MLPH: variants seen among roughly 807,000 people sequenced by gnomAD.
MLPH encodes the protein exophilin-3.
Under a neutral mutation model 72.1 loss-of-function variants are expected in MLPH, and 51 were observed. The observed-to-expected ratio is 0.71, with a 90% CI of 0.56 to 0.89. The LOEUF is 0.89. Among genes scored for constraint, MLPH ranks in the 40% least tolerant of loss-of-function variants. The pLI is 0.00. For synonymous variants in MLPH, 301 were observed against 310.1 expected, an observed-to-expected ratio of 0.97 and a Z score of 0.31; for missense variants, 743 against 759.9, an observed-to-expected ratio of 0.98 and a Z score of 0.26.
At chr2:237,520,071 C>A in intron 6 of MLPH, 42 bp downstream of exon 6, 18 of 1,613,342 alleles carry the variant, frequency 1.1e-5, no homozygotes, top group Non-Finnish European at 1.4e-5. Context: ...CTCCCAGGAA[C>A]CTGAGTGGCA....
chr2:237,504,089 G>C, intron 2 of MLPH, among the ~76,000 whole-genome samples: 1 of 152,224 alleles, frequency 6.6e-6, no homozygotes, highest in African/African-American at 2.4e-5. Flanking sequence ...ATTCCCCTCT[G>C]GGGGCTCCAG....
At chr2:237,545,309 C>G (rs984063501) in intron 12 of MLPH, 1 of 554,766 alleles carries the variant, frequency 1.8e-6, no homozygotes, top group African/African-American at 2.0e-5. Context: ...ACAGCACACA[C>G]GCCACCGTGG....
intron 8 of MLPH, among the ~76,000 whole-genome samples, chr2:237,532,433 C>A (rs377421320): frequency 1.3e-5 from 2 of 152,198 alleles, no homozygotes; most frequent in Non-Finnish European, 2.9e-5. Flanking sequence ...AGATGGGAGA[C>A]GGGAGAGGAA....
In MLPH at chr2:237,552,370, T is replaced by A; in HGVS notation, c.1709T>A (p.Val570Glu). 1 of 1,614,100 alleles carries A rather than the reference T, an allele frequency of 6.2e-7. No homozygotes were observed. The highest frequency in any genetic ancestry group is 8.5e-7 in the Non-Finnish European group (1 of 1,179,992). ...GATGATTCTTTTGATCGGAAATCAG[T>A]GTACCGAGGCTCGCTGACACAGAGA... is the stretch of plus-strand genomic sequence containing the variant. ...KDDDSFDRKS[V>E]YRGSLTQRNP... The change falls in exon 15 of 16, where the codon GTG (valine) becomes GAG (glutamate). Residue 570 changes from valine (V) to glutamate (E), a missense_variant. Physicochemically the swap from Val to Glu is moderately radical, Grantham distance 121. Transcript: ENST00000264605.
In MLPH at chr2:237,493,325, T is replaced by C; in HGVS notation, c.-24-78T>C. The stretch of plus-strand genomic sequence containing the variant: ...GTCCTGAGAAGTCAGCAGCGTTCTG[T>C]GTTGTCTCTTACTCTGTGACTTGAT... On this transcript the variant is annotated intron_variant, in intron 1 of 15. Coordinates refer to ENST00000264605, the MANE Select transcript of MLPH (RefSeq NM_024101.7). 3 of 908,190 alleles carry C rather than the reference T, an allele frequency of 3.3e-6. No homozygotes were observed. The Admixed American group carries it at 5.1e-5, about 15-fold the overall frequency. The allele number at this position is 908,190 out of a possible 1,614,324, so 56.3% of individuals were successfully genotyped here.
At chr2:237,502,617 C>T (rs2106478733) in intron 2 of MLPH, among the ~76,000 whole-genome samples, 1 of 152,238 alleles carries the variant, frequency 6.6e-6, no homozygotes, top group East Asian at 1.9e-4. Context: ...GTGACTCATG[C>T]CCTGGGGGAA....
chr2:237,493,558 C>T (rs2079472194), intron 2 of MLPH, 22 bp downstream of exon 2: 2 of 1,595,160 alleles, frequency 1.3e-6, no homozygotes, highest in Non-Finnish European at 1.7e-6. Flanking sequence ...GTGCTGAGCC[C>T]ACGGAGCCCG....
chr2:237,552,286 G>A, intron 14 of MLPH, 51 bp from the exon 15 acceptor site: 10 of 1,533,938 alleles, frequency 6.5e-6, no homozygotes, highest in Non-Finnish European at 9.0e-6. Context: ...ACTTGTTTGG[G>A]CTAAGTATGT....
chr2:237,524,871 G>A lies in MLPH; in HGVS notation c.676-730G>A, dbSNP rs148280461. ...CTGAGCCAGAGCTGGGGCGGGGCTC[G>A]GTCCACCCAGGCCGGTCTGAAGACC... On this transcript the variant is annotated intron_variant, in intron 6 of 15. Transcript: ENST00000264605. Among the ~76,000 whole-genome samples the A allele has an allele frequency of 2.7e-3, 406 of 152,310 alleles. 1 individual carries two copies. The highest frequency in any genetic ancestry group is 4.8e-3 in the Non-Finnish European group (327 of 68,022).
intron 6 of MLPH, among the ~76,000 whole-genome samples, chr2:237,520,890 A>C (rs1559354759): frequency 6.6e-6 from 1 of 152,194 alleles, no homozygotes; most frequent in Non-Finnish European, 1.5e-5. Flanking sequence ...TGTATGGTGA[A>C]TTGTGGCTGA....
At chr2:237,542,336 C>T (rs2080708175) in intron 11 of MLPH, among the ~76,000 whole-genome samples, 1 of 152,154 alleles carries the variant, frequency 6.6e-6, no homozygotes, top group African/African-American at 2.4e-5. Context: ...TGCGTTCCTC[C>T]TGCCTGGGGT....
intron 2 of MLPH, among the ~76,000 whole-genome samples, chr2:237,506,130 T>C (rs1241226755): frequency 1.3e-5 from 2 of 152,270 alleles, no homozygotes; most frequent in African/African-American, 4.8e-5. Flanking sequence ...CCTAAATTAC[T>C]GAGAACCCCA....
chr2:237,546,637 G>A lies in MLPH; in HGVS notation c.1571G>A (p.Gly524Asp), dbSNP rs893400175. 1 of 1,614,164 alleles carries A rather than the reference G, an allele frequency of 6.2e-7. No individual in the cohort carries two copies. The highest frequency in any genetic ancestry group is 8.5e-7 in the Non-Finnish European group (1 of 1,180,030). ...CTCCCTCGAGTGGCTGGGAAACTTG[G>A]CAAGAGACCAGAGGACCCAAATGCA... Reference protein sequence around the residue: ...IFLPRVAGKLGKRPEDPNADP... With the variant: ...IFLPRVAGKLDKRPEDPNADP... The change falls in exon 13 of 16, where the codon GGC becomes GAC. Residue 524 changes from glycine to aspartate, a missense_variant. Transcript: ENST00000264605.
intron 8 of MLPH, among the ~76,000 whole-genome samples, chr2:237,528,834 C>G (rs2080359628): frequency 6.6e-6 from 1 of 152,198 alleles, no homozygotes; most frequent in South Asian, 2.1e-4. Flanking sequence ...CTGGACATTT[C>G]ATGTAAATGG....
At chr2:237,494,183 G>GT (rs1669011739) in intron 2 of MLPH, among the ~76,000 whole-genome samples, 1 of 152,188 alleles carries the variant, frequency 6.6e-6, no homozygotes, top group Admixed American at 6.5e-5. Flanking sequence ...CCGGCGAAGG[G>GT]GGGGGCAGAG....
chr2:237,518,303 A>ATGGG, intron 4 of MLPH: 1 of 608,590 alleles, frequency 1.6e-6, no homozygotes. Context: ...GAGTGGATAA[A>ATGGG]TGGGTGGGTG....
intron 14 of MLPH, 151 bp from the exon 15 acceptor site, chr2:237,552,186 T>TA (rs1288305067): frequency 1.5e-6 from 1 of 647,716 alleles, no homozygotes; most frequent in African/African-American, 1.8e-5. Flanking sequence ...GAAATGTAAA[T>TA]ACTTTTTAAA....
At chr2:237,518,355 G>A (rs2080097757) in intron 4 of MLPH, 184 bp from the exon 5 acceptor site, 1 of 690,698 alleles carries the variant, frequency 1.4e-6, no homozygotes, top group East Asian at 2.7e-5. Context: ...AGGGGGATGG[G>A]TGGATTGGTA....
intron 4 of MLPH, 119 bp downstream of exon 4, chr2:237,511,220 A>G (rs1275433807): frequency 7.7e-6 from 6 of 777,280 alleles, no homozygotes; most frequent in Middle Eastern, 3.1e-4. Flanking sequence ...GTGTGTGCAC[A>G]TGTGTGTGCA....
Sources: allele counts gnomAD v4.1 joint callset (sites outside exome capture counted in the v4.1 genomes callset), GRCh38; gene constraint gnomAD v4.1.1; transcripts MANE v1.5; gene names NCBI Gene and HGNC (gene_info 2026-07-23, HGNC 2026-07-21).